Variants in LRP1B observed in about 807,000 individuals in gnomAD.
LRP1B encodes the protein LDL receptor related protein 1B.
In LRP1B, 217 loss-of-function variants were observed where a neutral mutation model predicts 556.6. The observed-to-expected ratio is 0.39, with a 90% CI of 0.35 to 0.44. LRP1B has a LOEUF of 0.44. LRP1B is among the 20% of genes least tolerant of loss of function. The pLI is 1.00. For synonymous variants in LRP1B, 2,047 were observed against 1,865.8 expected, an observed-to-expected ratio of 1.10 and a Z score of -2.50; for missense variants, 5,053 against 5,620.8, an observed-to-expected ratio of 0.90 and a Z score of 3.23.
At chr2:141,837,935 G>C (rs990038041) in intron 1 of LRP1B, among the ~76,000 whole-genome samples, 1 of 152,116 alleles carries the variant, frequency 6.6e-6, no homozygotes, top group African/African-American at 2.4e-5. Context: ...GTGAAAAAAT[G>C]TATGTCATGT....
intron 14 of LRP1B, among the ~76,000 whole-genome samples, chr2:141,007,214 T>A (rs1697600681): frequency 6.6e-6 from 1 of 151,680 alleles, no homozygotes; most frequent in Admixed American, 6.6e-5. Flanking sequence ...GGCTCAGAGG[T>A]TGGATGTGCT....
At chr2:142,082,957 G>C (rs1052819540) in intron 1 of LRP1B, among the ~76,000 whole-genome samples, 2 of 152,062 alleles carry the variant, frequency 1.3e-5, no homozygotes, top group African/African-American at 4.8e-5. Flanking sequence ...TGCAAGATAA[G>C]AAGAGTGTTT....
chr2:141,616,615 T>C (rs1169219302), intron 2 of LRP1B, among the ~76,000 whole-genome samples: 5 of 152,248 alleles, frequency 3.3e-5, no homozygotes, highest in African/African-American at 7.2e-5. Flanking sequence ...TGTGAAAATA[T>C]GTATATCTAG....
At chr2:141,111,825 C>A (rs183686710) in intron 7 of LRP1B, among the ~76,000 whole-genome samples, 6 of 151,854 alleles carry the variant, frequency 4.0e-5, no homozygotes. Context: ...CCGAAGCAGG[C>A]GGATCACAAG....
chr2:141,027,481 A>G (rs891079009), intron 11 of LRP1B, among the ~76,000 whole-genome samples: 1 of 152,152 alleles, frequency 6.6e-6, no homozygotes, highest in African/African-American at 2.4e-5. Flanking sequence ...TGTCCATATG[A>G]AGGGAAGTGA....
At chr2:141,621,120 T>G (rs1416477596) in intron 2 of LRP1B, among the ~76,000 whole-genome samples, 4 of 152,154 alleles carry the variant, frequency 2.6e-5, no homozygotes, top group Admixed American at 6.5e-5. Flanking sequence ...CCTGGTGAGC[T>G]CCAACCCTCA....
At chr2:140,570,518 T>C (rs1657408716) in intron 43 of LRP1B, among the ~76,000 whole-genome samples, 1 of 151,800 alleles carries the variant, frequency 6.6e-6, no homozygotes, top group African/African-American at 2.4e-5. Context: ...AAAAACAAGA[T>C]TGTATCATTC....
At chr2:142,110,984 G>T (rs924401182) in intron 1 of LRP1B, among the ~76,000 whole-genome samples, 2 of 152,140 alleles carry the variant, frequency 1.3e-5, no homozygotes, top group African/African-American at 4.8e-5. Context: ...TTGATAAATA[G>T]AATGCAATGT....
intron 35 of LRP1B, among the ~76,000 whole-genome samples, chr2:140,752,322 CTT>C (rs34686176): frequency 2.9e-4 from 40 of 135,964 alleles, no homozygotes; most frequent in Non-Finnish European, 3.3e-4. Flanking sequence ...ACTTAAAATA[CTT>C]TTTTTTTTTT....
intron 2 of LRP1B, among the ~76,000 whole-genome samples, chr2:141,636,420 T>C (rs1689110630): frequency 6.6e-6 from 1 of 152,132 alleles, no homozygotes; most frequent in South Asian, 2.1e-4. Flanking sequence ...GAAAATGAGA[T>C]AAATGTTCAT....
At chr2:141,377,023 C>T (rs567508507) in intron 3 of LRP1B, among the ~76,000 whole-genome samples, 2 of 152,226 alleles carry the variant, frequency 1.3e-5, no homozygotes, top group South Asian at 4.1e-4. Context: ...TGGGCTCATA[C>T]TAAGTTGTGA....
chr2:140,731,918 A>G, intron 35 of LRP1B, among the ~76,000 whole-genome samples: 1 of 152,162 alleles, frequency 6.6e-6, no homozygotes, highest in East Asian at 1.9e-4. Context: ...AATGTAAGTT[A>G]AATGACCAAA....
chr2:141,160,484 C>A (rs188929353), intron 7 of LRP1B, among the ~76,000 whole-genome samples: 2 of 151,998 alleles, frequency 1.3e-5, no homozygotes, highest in Non-Finnish European at 2.9e-5. Flanking sequence ...GTAACAGCCC[C>A]AACTAAAAAT....
chr2:140,799,064 T>G (rs555762027), intron 32 of LRP1B, among the ~76,000 whole-genome samples: 1 of 152,322 alleles, frequency 6.6e-6, no homozygotes, highest in East Asian at 1.9e-4. Context: ...ATTAAAGTTT[T>G]TTTAAATAAA....
chr2:140,459,414 T>A (rs1687227405), intron 60 of LRP1B, among the ~76,000 whole-genome samples: 1 of 152,170 alleles, frequency 6.6e-6, no homozygotes, highest in Non-Finnish European at 1.5e-5. Flanking sequence ...TCTCGTTAGA[T>A]GCAAAGGTGA....
intron 79 of LRP1B, among the ~76,000 whole-genome samples, chr2:140,333,229 C>A (rs1416033064): frequency 6.6e-6 from 1 of 152,062 alleles, no homozygotes; most frequent in East Asian, 1.9e-4. Flanking sequence ...TTCAATATCC[C>A]CCTGCTACAG....
rs2105121654 is a variant in LRP1B, at chr2:140,851,702, C to T, written c.4661G>A (p.Cys1554Tyr). Reference sequence around the variant, plus strand: ...AAGCTTCATCAAGTGGGGGCACGCACAGGCAGCACTCCTATTGTGATTGAT... The same window carrying T: ...AAGCTTCATCAAGTGGGGGCACGCATAGGCAGCACTCCTATTGTGATTGAT... ...CLINHNRSAA[C>Y]ACPHLMKLSS... is the part of the protein sequence containing the mutation. The change falls in exon 28 of 91, where the codon TGT becomes TAT. Residue 1554 changes from cysteine to tyrosine, a missense_variant. This residue lies in a region of LRP1B where 3,619 missense variants were observed against 3,931.9 expected (regional missense o/e 0.92). Transcript: ENST00000389484. 6.2e-7 allele frequency: 1 copy of T among 1,612,260 alleles called. No individual in the cohort carries two copies. Among genetic ancestry groups the T allele is most frequent in the Non-Finnish European group, 8.5e-7 (1 of 1,179,356 alleles).
intron 11 of LRP1B, among the ~76,000 whole-genome samples, chr2:141,043,489 A>G (rs1000950784): frequency 1.3e-5 from 2 of 151,870 alleles, no homozygotes; most frequent in African/African-American, 4.8e-5. Flanking sequence ...GTATTATGTA[A>G]AACAGTGACC....
intron 2 of LRP1B, among the ~76,000 whole-genome samples, chr2:141,518,362 T>TTA (rs1462727849): frequency 6.6e-6 from 1 of 151,912 alleles, no homozygotes; most frequent in Non-Finnish European, 1.5e-5. Context: ...GGTTAATAAA[T>TTA]TATATATATA....
Sources: allele counts gnomAD v4.1 joint callset (sites outside exome capture counted in the v4.1 genomes callset), GRCh38; gene constraint gnomAD v4.1.1; regional missense constraint gnomAD v4.1.1; transcripts MANE v1.5; gene names NCBI Gene and HGNC (gene_info 2026-07-23, HGNC 2026-07-21).